Variants in CACNG5 observed in about 807,000 individuals in gnomAD.
CACNG5 encodes calcium voltage-gated channel auxiliary subunit gamma 5, also known as voltage-dependent calcium channel gamma-5 subunit.
A neutral mutation model predicts 24.8 loss-of-function variants in CACNG5; 18 were observed. That is an observed-to-expected ratio of 0.73 (90% confidence interval 0.50 to 1.08). CACNG5 has a LOEUF of 1.08. Among genes scored for constraint, CACNG5 ranks in the 50% least tolerant of loss-of-function variants. The probability of loss-of-function intolerance (pLI) is 0.00; values close to 1 mark genes in which losing one functional copy is unlikely to be tolerated. For missense variants in CACNG5, 349 were observed against 367.9 expected, an observed-to-expected ratio of 0.95 and a Z score of 0.42; for synonymous variants, 157 against 149.1, an observed-to-expected ratio of 1.05 and a Z score of -0.39.
At chr17:66,882,006 G>A (rs1452973628) in intron 4 of CACNG5, among the ~76,000 whole-genome samples, 2 of 152,138 alleles carry the variant, frequency 1.3e-5, no homozygotes, top group East Asian at 1.9e-4. Flanking sequence ...GGGATGACAC[G>A]ATTGGGTTTG....
chr17:66,855,620 T>C (rs566350743), intron 1 of CACNG5, among the ~76,000 whole-genome samples: 1 of 151,906 alleles, frequency 6.6e-6, no homozygotes, highest in South Asian at 2.1e-4. Context: ...GCCTCCAGAG[T>C]TCAAGTGATT....
intron 1 of CACNG5, 23 bp from the exon 2 acceptor site, chr17:66,877,207 G>T: frequency 4.1e-6 from 3 of 729,338 alleles, no homozygotes; most frequent in South Asian, 3.8e-5. Flanking sequence ...TTAGTTACTG[G>T]CTCCTCATCT....
At chr17:66,882,925 C>G (rs1977183089) in intron 4 of CACNG5, among the ~76,000 whole-genome samples, 1 of 147,660 alleles carries the variant, frequency 6.8e-6, no homozygotes, top group Non-Finnish European at 1.5e-5. Flanking sequence ...AAGAGCCACT[C>G]TTTCTTTCTC....
chr17:66,861,779 G>A (rs1412574792), intron 1 of CACNG5, among the ~76,000 whole-genome samples: 1 of 152,214 alleles, frequency 6.6e-6, no homozygotes, highest in East Asian at 1.9e-4. Context: ...TTCAGCTGGA[G>A]CTGCCAGAGG....
Position 66,866,381 on chromosome 17 carries a change from C to T in CACNG5, c.-103-10849C>T, listed in dbSNP as rs79726180. Among the ~76,000 whole-genome samples, 715 of 152,248 alleles carry T rather than the reference C, an allele frequency of 4.7e-3. 6 individuals are homozygous for T. The highest frequency in any genetic ancestry group is 0.017 in the African/African-American group (692 of 41,534). On this transcript the variant is annotated intron_variant, in intron 1 of 5. Coordinates refer to ENST00000533854, the MANE Select transcript of CACNG5 (RefSeq NM_145811.3). ...AACTCCTGGGCTCAGGTGATCTTCT[C>T]GCTTCAGTCTCCCAAAGCACTGGGA...
At chr17:66,840,698 A>G (rs1011612175) in intron 1 of CACNG5, among the ~76,000 whole-genome samples, 3 of 152,196 alleles carry the variant, frequency 2.0e-5, no homozygotes, top group Non-Finnish European at 4.4e-5. Context: ...CACCTCCCCA[A>G]TAACTCTCAC....
At chr17:66,839,913 G>A (rs962094511) in intron 1 of CACNG5, among the ~76,000 whole-genome samples, 1 of 152,216 alleles carries the variant, frequency 6.6e-6, no homozygotes, top group Non-Finnish European at 1.5e-5. Context: ...GCCCAGAAGG[G>A]TTAAGGAATT....
At chr17:66,858,667 C>G (rs1169162332) in intron 1 of CACNG5, among the ~76,000 whole-genome samples, 1 of 151,708 alleles carries the variant, frequency 6.6e-6, no homozygotes. Flanking sequence ...ACAGGGCAAG[C>G]TGCAGCCCCC....
At chr17:66,849,439 A>T (rs1976682627) in intron 1 of CACNG5, among the ~76,000 whole-genome samples, 1 of 152,170 alleles carries the variant, frequency 6.6e-6, no homozygotes, top group Non-Finnish European at 1.5e-5. Context: ...GGGAGGGCAG[A>T]TCCAGCAGTG....
rs1977038600 is a variant in CACNG5 at position 66,873,501 on chromosome 17, GA to G, written c.-103-3727del. The stretch of plus-strand genomic sequence containing the variant: ...TTCATCTTTCCAAATCTCCAAACAT[GA>G]ATCTTTTTCATCTCCCTGCCAAGCT... On this transcript the variant is annotated intron_variant, in intron 1 of 5. Transcript: ENST00000533854. Among the ~76,000 whole-genome samples the G allele has an allele frequency of 5.9e-5, 9 of 152,166 alleles. No homozygotes were observed. In the South Asian group the frequency reaches 1.9e-3, roughly 32 times the overall value.
intron 1 of CACNG5, among the ~76,000 whole-genome samples, chr17:66,869,249 A>G (rs572652868): frequency 1.3e-5 from 2 of 151,920 alleles, no homozygotes; most frequent in Admixed American, 6.6e-5. Flanking sequence ...ACGCCAGGCT[A>G]ATTTTTGTAT....
At chr17:66,840,097 C>T (rs1445043871) in intron 1 of CACNG5, among the ~76,000 whole-genome samples, 5 of 152,160 alleles carry the variant, frequency 3.3e-5, no homozygotes, top group East Asian at 1.9e-4. Flanking sequence ...CTCTGGCGAC[C>T]GGTGATCTCC....
Position 66,892,716 on chromosome 17 carries a change from G to A in CACNG5, c.*7476G>A, listed in dbSNP as rs1458599166. On this transcript the variant is annotated 3_prime_UTR_variant, in exon 6 of 6. Coordinates refer to ENST00000533854, the MANE Select transcript of CACNG5 (RefSeq NM_145811.3). Reference sequence around the variant, plus strand: ...TGTGTGTGAAAACACCGTGTAAACTGTAAAGTCCTCTTTGGACTAAGTTAT... The same window carrying A: ...TGTGTGTGAAAACACCGTGTAAACTATAAAGTCCTCTTTGGACTAAGTTAT... 3.9e-5 allele frequency among the ~76,000 whole-genome samples: 6 copies of A among 152,210 alleles called. No individual in the cohort carries two copies. The highest frequency in any genetic ancestry group is 7.3e-5 in the Non-Finnish European group (5 of 68,038).
In CACNG5 at chr17:66,885,174, G is replaced by C; in HGVS notation, c.762G>C (p.Met254Ile). The change falls in exon 6 of 6, where the codon ATG (methionine) becomes ATC (isoleucine). Residue 254 changes from methionine (M) to isoleucine (I), a missense_variant. By Grantham distance (10) the Met-to-Ile change is conservative. Transcript: ENST00000533854. ...SDISSEASLQ[M>I]NSNYPALLKC... is the part of the protein sequence containing the mutation. ...TCTCCAGCGAGGCCTCCCTGCAGAT[G>C]AACAGCAACTACCCCGCCTTGCTCA... The C allele has an allele frequency of 6.2e-7, 1 of 1,611,938 alleles. No homozygotes were observed. The highest frequency in any genetic ancestry group is 8.5e-7 in the Non-Finnish European group (1 of 1,179,906).
rs1191838490 is a variant in CACNG5, at chr17:66,891,755, A to G, written c.*6515A>G. ...GTCAGAGTTCCATTGTGAGGAACAC[A>G]TGAGAGATGGGATCTATGGTAGCAA... On this transcript the variant is annotated 3_prime_UTR_variant, in exon 6 of 6. Coordinates refer to ENST00000533854, the MANE Select transcript of CACNG5 (RefSeq NM_145811.3). Among the ~76,000 whole-genome samples, 1 of 152,226 alleles carries G rather than the reference A, an allele frequency of 6.6e-6. No homozygotes were observed. The highest frequency in any genetic ancestry group is 1.5e-5 in the Non-Finnish European group (1 of 68,026).
intron 1 of CACNG5, among the ~76,000 whole-genome samples, chr17:66,856,926 C>T (rs1384676465): frequency 6.6e-6 from 1 of 152,038 alleles, no homozygotes. Flanking sequence ...ATCTGTTCTC[C>T]ATTTCTTTAT....
intron 1 of CACNG5, among the ~76,000 whole-genome samples, chr17:66,841,515 G>A (rs949348778): frequency 2.6e-5 from 4 of 152,152 alleles, no homozygotes; most frequent in Non-Finnish European, 4.4e-5. Context: ...CCAGCAGGTG[G>A]CAGCCCTTTC....
Position 66,885,274 on chromosome 17 carries a change from G to T in CACNG5, c.*34G>T. 6.5e-7 allele frequency: 1 copy of T among 1,539,098 alleles called. No individual in the cohort carries two copies. Among genetic ancestry groups the T allele is most frequent in the Non-Finnish European group, 8.7e-7 (1 of 1,149,534 alleles). On this transcript the variant is annotated 3_prime_UTR_variant, in exon 6 of 6. Transcript: ENST00000533854. ...CGCCCCCATCCCTGGACTGTGGGTG[G>T]CCAGACAACCCTTCCTGTTCTCTCC...
chr17:66,845,605 A>C (rs914490905), intron 1 of CACNG5, among the ~76,000 whole-genome samples: 1 of 151,942 alleles, frequency 6.6e-6, no homozygotes, highest in Admixed American at 6.6e-5. Flanking sequence ...TCCCCAGCAC[A>C]CCTCCATCAG....
Sources: gnomAD v4.1 joint callset for allele counts (sites outside exome capture counted in the v4.1 genomes callset) on GRCh38, gnomAD v4.1.1 for gene constraint, MANE v1.5 for transcripts, NCBI Gene and HGNC (gene_info 2026-07-23, HGNC 2026-07-21) for gene names.